Variants in CLEC3B observed in about 807,000 individuals in gnomAD.
CLEC3B encodes tetranectin.
CLEC3B carries 13 observed loss-of-function variants against 15.4 expected under a neutral mutation model. The ratio of observed to expected loss-of-function variants is 0.84; its 90% confidence interval spans 0.55 to 1.34. The LOEUF is 1.34. CLEC3B is among the 40% of genes most tolerant of loss of function. The pLI is 0.00. For missense variants in CLEC3B, 242 were observed against 268.6 expected, an observed-to-expected ratio of 0.90 and a Z score of 0.69; for synonymous variants, 112 against 114.7, an observed-to-expected ratio of 0.98 and a Z score of 0.15.
In CLEC3B at chr3:45,035,703, G is replaced by T; in HGVS notation, c.388G>T (p.Glu130Ter). The T allele has an allele frequency of 6.2e-7, 1 of 1,613,866 alleles. No homozygotes were observed. The highest frequency in any genetic ancestry group is 8.5e-7 in the Non-Finnish European group (1 of 1,180,030). ...GCGCCAGAGCGTGGGCAACGAGGCC[G>T]AGATCTGGCTGGGCCTCAACGACAT... Reference protein sequence around the residue: ...YLRQSVGNEAEIWLGLNDMAA... With the variant: ...YLRQSVGNEA Residue 130 changes from glutamate (E) to a stop codon, truncating the protein, a stop_gained, in exon 3 of 3, where the codon GAG (glutamate) becomes TAG (stop). Transcript: ENST00000296130. LOFTEE classifies it high-confidence loss of function.
At chr3:45,033,507 G>A (rs1182264406) in intron 2 of CLEC3B, among the ~76,000 whole-genome samples, 1 of 152,138 alleles carries the variant, frequency 6.6e-6, no homozygotes, top group Non-Finnish European at 1.5e-5. Context: ...ACACATGGGA[G>A]GTTCCCACCT....
Position 45,035,688 on chromosome 3 carries a change from G to T in CLEC3B, c.373G>T (p.Val125Leu). Reference protein sequence around the residue: ...DALYEYLRQSVGNEAEIWLGL... With the variant: ...DALYEYLRQSLGNEAEIWLGL... ...CCTGTATGAGTACCTGCGCCAGAGC[G>T]TGGGCAACGAGGCCGAGATCTGGCT... The change falls in exon 3 of 3, where the codon GTG becomes TTG. Residue 125 changes from valine to leucine, a missense_variant. Val to Leu is a conservative substitution (Grantham distance 32). Transcript: ENST00000296130. 4 of 1,613,824 alleles carry T rather than the reference G, an allele frequency of 2.5e-6. No individual in the cohort carries two copies. The highest frequency in any genetic ancestry group is 2.5e-6 in the Non-Finnish European group (3 of 1,180,042).
chr3:45,031,247 C>T (rs1046107852), intron 2 of CLEC3B, among the ~76,000 whole-genome samples: 3 of 152,226 alleles, frequency 2.0e-5, no homozygotes, highest in Non-Finnish European at 2.9e-5. Context: ...GACCCTGGAG[C>T]GCTCGATGGG....
intron 1 of CLEC3B, among the ~76,000 whole-genome samples, chr3:45,027,722 C>G (rs556614797): frequency 3.3e-5 from 5 of 152,114 alleles, no homozygotes; most frequent in Non-Finnish European, 5.9e-5. Flanking sequence ...ATATTACCTT[C>G]CACAAAATGT....
At chr3:45,033,309 A>G (rs372976381) in intron 2 of CLEC3B, among the ~76,000 whole-genome samples, 1 of 152,210 alleles carries the variant, frequency 6.6e-6, no homozygotes, top group Non-Finnish European at 1.5e-5. Context: ...AAAGCATGAC[A>G]TATGAAAGCC....
chr3:45,029,021 TG>T (rs1697520016), intron 1 of CLEC3B, among the ~76,000 whole-genome samples: 1 of 152,242 alleles, frequency 6.6e-6, no homozygotes, highest in African/African-American at 2.4e-5. Context: ...AACAGGGAAC[TG>T]GGGGAACCTG....
rs146657879 is a variant in CLEC3B, at chr3:45,030,236, A to C, written c.110-591A>C. 121 of 986,182 alleles carry C rather than the reference A, an allele frequency of 1.2e-4. 5 individuals are homozygous for C. The East Asian group carries it at 0.012, about 101-fold the overall frequency. The allele number at this position is 986,182 out of a possible 1,614,324, so 61.1% of individuals were successfully genotyped here. On this transcript the variant is annotated intron_variant, in intron 1 of 2. Coordinates refer to ENST00000296130, the MANE Select transcript of CLEC3B (RefSeq NM_003278.3). ...TGGGCACACACTCAGCCAAGCACTG[A>C]GGTAGGCAGCTCTGCGTTTCAGTTC... is the stretch of plus-strand genomic sequence containing the variant.
In CLEC3B at chr3:45,035,804, G is replaced by A. The variant is rs1697635148; in HGVS notation, c.489G>A (p.Ala163=). Residue 163 remains alanine, a synonymous_variant, in exon 3 of 3, where the codon GCG becomes GCA. Transcript: ENST00000296130. ...AGAACTGGGAGACTGAGATCACCGCGCAACCCGATGGCGGCAAGACCGAGA... is the reference window on the plus strand; with the variant it reads ...AGAACTGGGAGACTGAGATCACCGCACAACCCGATGGCGGCAAGACCGAGA... ...AYKNWETEIT[A]QPDGGKTENC... The A allele has an allele frequency of 6.2e-7, 1 of 1,613,490 alleles. No homozygotes were observed. The highest frequency in any genetic ancestry group is 1.3e-5 in the African/African-American group (1 of 75,076).
At chr3:45,031,072 G>A (rs1428069531) in intron 2 of CLEC3B, 147 bp downstream of exon 2, 1 of 593,098 alleles carries the variant, frequency 1.7e-6, no homozygotes, top group Non-Finnish European at 2.9e-6. Context: ...CAGGTTCAGG[G>A]AGCCCCACCT....
intron 2 of CLEC3B, among the ~76,000 whole-genome samples, chr3:45,031,254 TG>T (rs1370225785): frequency 6.6e-6 from 1 of 152,206 alleles, no homozygotes; most frequent in Non-Finnish European, 1.5e-5. Flanking sequence ...GAGCGCTCGA[TG>T]GGGCAGAGGT....
chr3:45,035,434 A>C, intron 2 of CLEC3B, 90 bp from the exon 3 acceptor site: 1 of 1,503,458 alleles, frequency 6.7e-7, no homozygotes, highest in Non-Finnish European at 8.9e-7. Context: ...ACGGGATGGG[A>C]TGGAGGACGG....
intron 2 of CLEC3B, among the ~76,000 whole-genome samples, chr3:45,033,858 A>T (rs1023655308): frequency 6.6e-6 from 1 of 152,132 alleles, no homozygotes; most frequent in African/African-American, 2.4e-5. Context: ...CCCACAGGAG[A>T]CTTATCAGGA....
intron 1 of CLEC3B, chr3:45,030,377 C>A (rs1294086720): frequency 4.0e-6 from 1 of 251,176 alleles, no homozygotes; most frequent in Non-Finnish European, 6.4e-6. Flanking sequence ...TCTGTGGCAC[C>A]TCCAAGCCCT....
rs551851663 is a variant in CLEC3B at position 45,032,201 on chromosome 3, C to T, written c.208+1276C>T. On this transcript the variant is annotated intron_variant, in intron 2 of 2. Transcript: ENST00000296130. ...CCATCCATCTGCAAGGCCTTCCCTTCCCCGCCTGCCTCCTCAGAAACCCCC... is the reference window on the plus strand; with the variant it reads ...CCATCCATCTGCAAGGCCTTCCCTTTCCCGCCTGCCTCCTCAGAAACCCCC... Among the ~76,000 whole-genome samples, 4 of 152,264 alleles carry T rather than the reference C, an allele frequency of 2.6e-5. No homozygotes were observed. The South Asian group carries it at 6.2e-4, about 24-fold the overall frequency.
chr3:45,031,191 G>A (rs1055450408), intron 2 of CLEC3B, among the ~76,000 whole-genome samples: 2 of 152,208 alleles, frequency 1.3e-5, no homozygotes, highest in Non-Finnish European at 2.9e-5. Flanking sequence ...TGTCCCAAGA[G>A]GACAAAAAAT....
In CLEC3B at chr3:45,035,796, A is replaced by G. The variant is rs1216640084; in HGVS notation, c.481A>G (p.Ile161Val). Residue 161 changes from isoleucine to valine, a missense_variant, in exon 3 of 3, where the codon ATC becomes GTC. Ile to Val is a conservative substitution (Grantham distance 29). Coordinates refer to ENST00000296130, the MANE Select transcript of CLEC3B (RefSeq NM_003278.3). ...CGCCTACAAGAACTGGGAGACTGAG[A>G]TCACCGCGCAACCCGATGGCGGCAA... ...RIAYKNWETEITAQPDGGKTE... is the reference protein window; with the variant it reads ...RIAYKNWETEVTAQPDGGKTE... The G allele has an allele frequency of 6.2e-7, 1 of 1,613,448 alleles. No individual in the cohort carries two copies. The highest frequency in any genetic ancestry group is 8.5e-7 in the Non-Finnish European group (1 of 1,179,978).
chr3:45,034,240 C>T (rs1044593131), intron 2 of CLEC3B, among the ~76,000 whole-genome samples: 1 of 152,150 alleles, frequency 6.6e-6, no homozygotes, highest in African/African-American at 2.4e-5. Flanking sequence ...GAAGGAAAGG[C>T]AATGAAGGCC....
At chr3:45,031,971 C>T (rs890538375) in intron 2 of CLEC3B, among the ~76,000 whole-genome samples, 10 of 151,908 alleles carry the variant, frequency 6.6e-5, no homozygotes, top group Non-Finnish European at 1.3e-4. Context: ...ACAGCACACC[C>T]GTGCAGTGGT....
rs539795292 is a variant in CLEC3B, at chr3:45,033,838, T to C, written c.209-1686T>C. ...AGGGTCCTAGGAAGCAACTCTGAGATGGAGTTTAACCCACAGGAGACTTAT... is the reference window on the plus strand; with the variant it reads ...AGGGTCCTAGGAAGCAACTCTGAGACGGAGTTTAACCCACAGGAGACTTAT... On this transcript the variant is annotated intron_variant, in intron 2 of 2. Transcript: ENST00000296130. 4.6e-5 allele frequency among the ~76,000 whole-genome samples: 7 copies of C among 152,262 alleles called. No individual in the cohort carries two copies. In the South Asian group the frequency reaches 1.5e-3, roughly 32 times the overall value.
Sources: gnomAD v4.1 joint callset for allele counts (sites outside exome capture counted in the v4.1 genomes callset) on GRCh38, gnomAD v4.1.1 for gene constraint, MANE v1.5 for transcripts, NCBI Gene and HGNC (gene_info 2026-07-23, HGNC 2026-07-21) for gene names.